Variants in B4GALNT3 observed in about 807,000 individuals in gnomAD.
B4GALNT3 encodes beta-1,4-N-acetyl-galactosaminyltransferase 3, also known as beta-1,4-N-acetylgalactosaminyltransferase 3.
In B4GALNT3, 86 loss-of-function variants were observed where a neutral mutation model predicts 120.2. The observed-to-expected ratio is 0.72, with a 90% confidence interval of 0.60 to 0.86. The LOEUF (loss-of-function observed/expected upper bound fraction) is 0.86, where lower values mean the gene tolerates loss of function less well. Among genes scored for constraint, B4GALNT3 ranks in the 40% least tolerant of loss-of-function variants. The pLI is 0.00. For missense variants in B4GALNT3, 1,167 were observed against 1,298.9 expected (o/e 0.90, Z 1.56); for synonymous variants, 518 against 510.4 (o/e 1.01, Z -0.20).
At chr12:533,144 C>T (rs1946824142) in intron 1 of B4GALNT3, among the ~76,000 whole-genome samples, 1 of 152,244 alleles carries the variant, frequency 6.6e-6, no homozygotes, top group Non-Finnish European at 1.5e-5. Flanking sequence ...CCCACAACTG[C>T]TAGCCAGCAG....
chr12:554,945 G>GGGT (rs1190319116), intron 14 of B4GALNT3, among the ~76,000 whole-genome samples: 1 of 151,956 alleles, frequency 6.6e-6, no homozygotes, highest in Non-Finnish European at 1.5e-5. Flanking sequence ...TGGGAGACCG[G>GGGT]GGTAGGTGGA....
At chr12:468,320 A>T (rs1946101825) in intron 1 of B4GALNT3, among the ~76,000 whole-genome samples, 1 of 152,230 alleles carries the variant, frequency 6.6e-6, no homozygotes, top group Non-Finnish European at 1.5e-5. Context: ...TGGATTTAAA[A>T]ACTTAAAAAG....
intron 1 of B4GALNT3, among the ~76,000 whole-genome samples, chr12:495,370 T>C (rs936648064): frequency 3.3e-5 from 5 of 152,178 alleles, no homozygotes; most frequent in African/African-American, 1.2e-4. Flanking sequence ...TCGTTCTTTT[T>C]CCCCTTAGTC....
intron 1 of B4GALNT3, among the ~76,000 whole-genome samples, chr12:524,422 G>A (rs1946741952): frequency 6.6e-6 from 1 of 152,176 alleles, no homozygotes; most frequent in African/African-American, 2.4e-5. Context: ...GGCTTAATAA[G>A]ATCCTTAAAA....
rs144121632 is a variant in B4GALNT3, at chr12:481,800, G to T, written c.169+21255G>T. Reference sequence around the variant, plus strand: ...CTCTTGGGGGCATATTCCTGCCTCAGCCTCAGCTGTGGGGAAGCCTGGATG... The same window carrying T: ...CTCTTGGGGGCATATTCCTGCCTCATCCTCAGCTGTGGGGAAGCCTGGATG... On this transcript the variant is annotated intron_variant, in intron 1 of 19. Transcript: ENST00000266383. 7.3e-3 allele frequency among the ~76,000 whole-genome samples: 1,104 copies of T among 152,272 alleles called. 14 individuals carry two copies. Among genetic ancestry groups the T allele is most frequent in the African/African-American group, 0.026 (1,068 of 41,550 alleles).
intron 1 of B4GALNT3, among the ~76,000 whole-genome samples, chr12:474,519 C>T (rs573259747): frequency 6.6e-6 from 1 of 152,224 alleles, no homozygotes; most frequent in East Asian, 1.9e-4. Flanking sequence ...CACATACATC[C>T]GTAAGAATCT....
chr12:506,914 G>T (rs866229037), intron 1 of B4GALNT3, among the ~76,000 whole-genome samples: 14 of 152,230 alleles, frequency 9.2e-5, no homozygotes, highest in Middle Eastern at 3.2e-3. Context: ...GGGATTACAG[G>T]CGTGAGCCAC....
chr12:541,692 C>T (rs896408852), intron 3 of B4GALNT3, among the ~76,000 whole-genome samples: 1 of 152,152 alleles, frequency 6.6e-6, no homozygotes, highest in Admixed American at 6.5e-5. Flanking sequence ...CAGGTAGCTC[C>T]TCTTCCCACA....
At chr12:514,487 A>T (rs367806267) in intron 1 of B4GALNT3, among the ~76,000 whole-genome samples, 6 of 151,506 alleles carry the variant, frequency 4.0e-5, no homozygotes, top group Admixed American at 1.3e-4. Flanking sequence ...ATGAGCCACC[A>T]CGCCCAGCCT....
intron 1 of B4GALNT3, among the ~76,000 whole-genome samples, chr12:490,841 A>G (rs1179891627): frequency 1.3e-5 from 2 of 152,202 alleles, no homozygotes; most frequent in Non-Finnish European, 2.9e-5. Flanking sequence ...GAAGAAATAA[A>G]CCATCTGAAT....
At position 561,348 on chromosome 12, in the gene B4GALNT3, T is replaced by TC; in HGVS notation, c.2896dup (p.Gln966ProfsTer49). 1 of 1,613,194 alleles carries TC rather than the reference T, an allele frequency of 6.2e-7. No homozygotes were observed. Among genetic ancestry groups the TC allele is most frequent in the Non-Finnish European group, 8.5e-7 (1 of 1,179,226 alleles). On this transcript the variant is annotated frameshift_variant, in exon 20 of 20. Coordinates refer to ENST00000266383, the MANE Select transcript of B4GALNT3 (RefSeq NM_173593.4). LOFTEE classifies it high-confidence loss of function. ...CTGTGTTTCTCCTCCTCCAGGATAC[T>TC]CCAAGCGGGCCTGGACGTGGAGCGT...
chr12:511,867 CCTTCCACCTTCCACCTT>C (rs1946573047), intron 1 of B4GALNT3, among the ~76,000 whole-genome samples: 2 of 39,372 alleles, frequency 5.1e-5, no homozygotes, highest in Non-Finnish European at 5.0e-5. Flanking sequence ...CCTTCTTCCA[CCTTCCACCTTCCACCTT>C]CTTCCACCTT....
rs1440860454 is a variant in B4GALNT3, at chr12:554,744, T to G, written c.2060+761T>G. Among the ~76,000 whole-genome samples, 65 of 108,338 alleles carry G rather than the reference T, an allele frequency of 6.0e-4. 1 individual carries two copies. The highest frequency in any genetic ancestry group is 2.3e-3 in the African/African-American group (56 of 24,480). 71.1% of individuals were successfully genotyped at this position (108,338 alleles called of 152,430 possible). ...GGCGGAGCTTGCAGTGAGCTGAGAT[T>G]GCGCCACTGCACTCCAGCCTGGGCG... is the stretch of plus-strand genomic sequence containing the variant. On this transcript the variant is annotated intron_variant, in intron 14 of 19. Transcript: ENST00000266383.
At chr12:559,027 T>A (rs1174077801) in intron 18 of B4GALNT3, among the ~76,000 whole-genome samples, 1 of 151,978 alleles carries the variant, frequency 6.6e-6, no homozygotes, top group Non-Finnish European at 1.5e-5. Context: ...CACAGCTGTG[T>A]CTTCTGTGGC....
intron 1 of B4GALNT3, among the ~76,000 whole-genome samples, chr12:514,046 GGAATAGAACTGCTGGGTCAA>G (rs1337324686): frequency 6.6e-6 from 1 of 152,166 alleles, no homozygotes; most frequent in African/African-American, 2.4e-5. Flanking sequence ...TGTATACCTG[GGAATAGAACTGCTGGGTCAA>G]ATAGTAACTC....
intron 1 of B4GALNT3, among the ~76,000 whole-genome samples, chr12:515,372 G>T: frequency 6.6e-6 from 1 of 151,432 alleles, no homozygotes; most frequent in South Asian, 2.1e-4. Context: ...TTTTTTTTTC[G>T]TATTTTAGTA....
intron 12 of B4GALNT3, 130 bp from the exon 13 acceptor site, chr12:552,331 ACACACC>A: frequency 3.6e-6 from 3 of 823,694 alleles, no homozygotes; most frequent in African/African-American, 3.5e-5. Flanking sequence ...ACACACACAC[ACACACC>A]CGCTCACCAG....
At chr12:519,612 T>TTTTTG (rs1946686901) in intron 1 of B4GALNT3, among the ~76,000 whole-genome samples, 1 of 148,210 alleles carries the variant, frequency 6.7e-6, no homozygotes, top group Non-Finnish European at 1.5e-5. Flanking sequence ...TTTTTTTTTT[T>TTTTTG]TCCGGTAAGG....
At chr12:554,760 A>AGTTCG (rs1947130587) in intron 14 of B4GALNT3, among the ~76,000 whole-genome samples, 1 of 109,762 alleles carries the variant, frequency 9.1e-6, no homozygotes, top group Admixed American at 1.2e-4. Context: ...ACTGCACTCC[A>AGTTCG]GCCTGGGCGA....
Sources: gnomAD v4.1 joint callset for allele counts (sites outside exome capture counted in the v4.1 genomes callset) on GRCh38, gnomAD v4.1.1 for gene constraint, MANE v1.5 for transcripts, NCBI Gene and HGNC (gene_info 2026-07-23, HGNC 2026-07-21) for gene names.